Variants in TSC22D2 observed in about 807,000 individuals in gnomAD.
TSC22D2 encodes the protein TSC22 domain family protein 2.
In TSC22D2, 5 loss-of-function variants were observed where a neutral mutation model predicts 50.1. That is an observed-to-expected ratio of 0.10 (90% CI 0.05 to 0.21). The LOEUF is 0.21. Among genes scored for constraint, TSC22D2 ranks in the 10% least tolerant of loss-of-function variants. TSC22D2 has a pLI of 1.00. For synonymous variants in TSC22D2, 501 were observed against 450.1 expected (o/e 1.11, Z -1.43); for missense variants, 1,003 against 1,015.5 (o/e 0.99, Z 0.17).
intron 1 of TSC22D2, among the ~76,000 whole-genome samples, chr3:150,413,496 T>G (rs1160882492): frequency 2.0e-5 from 3 of 151,732 alleles, no homozygotes; most frequent in Non-Finnish European, 4.4e-5. Context: ...GTTTTGTCAC[T>G]GGTCCAACAT....
chr3:150,452,524 C>A (rs371982683), intron 1 of TSC22D2, among the ~76,000 whole-genome samples: 4 of 151,914 alleles, frequency 2.6e-5, no homozygotes, highest in African/African-American at 9.7e-5. Flanking sequence ...GTTGGAAATT[C>A]TTCATCCATC....
At chr3:150,429,112 G>T (rs1369264561) in intron 1 of TSC22D2, among the ~76,000 whole-genome samples, 1 of 152,138 alleles carries the variant, frequency 6.6e-6, no homozygotes, top group African/African-American at 2.4e-5. Flanking sequence ...GAATGGAAGG[G>T]TAGTAAACTA....
At position 150,409,937 on chromosome 3, in the gene TSC22D2, C is replaced by T; in HGVS notation, c.587C>T (p.Thr196Ile). 3.7e-6 allele frequency: 6 copies of T among 1,613,988 alleles called. No individual in the cohort carries two copies. Among genetic ancestry groups the T allele is most frequent in the Non-Finnish European group, 3.4e-6 (4 of 1,180,034 alleles). ...AGGGATTCAGACAGCAGCGTCCTGA[C>T]TAGATCCGGGGATTGCATTAGACAC... The part of the protein sequence containing the change: ...YERDSDSSVL[T>I]RSGDCIRHSS... The change falls in exon 1 of 3, where the codon ACT becomes ATT. Residue 196 changes from threonine (T) to isoleucine (I), a missense_variant. Transcript: ENST00000688009. The surrounding 1 kb of genome is among the most constrained non-coding windows in gnomAD (Gnocchi z 7.4).
intron 1 of TSC22D2, among the ~76,000 whole-genome samples, chr3:150,447,977 TTGCTGCTATGTAA>T (rs1226902303): frequency 6.6e-6 from 1 of 152,194 alleles, no homozygotes; most frequent in Non-Finnish European, 1.5e-5. Flanking sequence ...GATTAGGTAG[TTGCTGCTATGTAA>T]ACAGTAAAAT....
chr3:150,457,235 C>A, intron 2 of TSC22D2, 108 bp downstream of exon 2: 3 of 1,014,008 alleles, frequency 3.0e-6, no homozygotes, highest in Non-Finnish European at 4.4e-6. Context: ...CAAAGATGAC[C>A]AAATCATGTT....
intron 1 of TSC22D2, chr3:150,423,514 A>G (rs140148983): frequency 5.2e-4 from 80 of 152,488 alleles, no homozygotes; most frequent in Non-Finnish European, 1.0e-3. Context: ...TGTTATTTCA[A>G]ATTATGAAAT....
chr3:150,421,069 G>A lies in TSC22D2; in HGVS notation c.1958+9761G>A, dbSNP rs1032379154. On this transcript the variant is annotated intron_variant, in intron 1 of 2. Transcript: ENST00000688009. ...TTGCACTCCAGCCTGAGCGACAAGA[G>A]TGAAACTCTGTCTCCAAAAAATAAA... is the stretch of plus-strand genomic sequence containing the variant. 5.8e-4 allele frequency among the ~76,000 whole-genome samples: 88 copies of A among 152,298 alleles called. 1 individual carries two copies. Among genetic ancestry groups the A allele is most frequent in the African/African-American group, 2.1e-3 (86 of 41,562 alleles).
intron 1 of TSC22D2, among the ~76,000 whole-genome samples, chr3:150,437,134 TCAGA>T (rs1198628922): frequency 6.6e-6 from 1 of 152,156 alleles, no homozygotes; most frequent in Non-Finnish European, 1.5e-5. Context: ...TACATTCTTA[TCAGA>T]CAGAAAATGT....
chr3:150,435,327 T>C (rs944097253), intron 1 of TSC22D2, among the ~76,000 whole-genome samples: 2 of 152,182 alleles, frequency 1.3e-5, no homozygotes, highest in African/African-American at 4.8e-5. Context: ...CTAGCAGTTT[T>C]ATTTTATTTA....
intron 1 of TSC22D2, among the ~76,000 whole-genome samples, chr3:150,421,005 C>T (rs1036701830): frequency 3.3e-5 from 5 of 152,186 alleles, no homozygotes; most frequent in African/African-American, 1.2e-4. Flanking sequence ...ATCATTTGAA[C>T]CCAGGAGGCA....
At chr3:150,414,276 A>T (rs1719711098) in intron 1 of TSC22D2, among the ~76,000 whole-genome samples, 1 of 152,196 alleles carries the variant, frequency 6.6e-6, no homozygotes, top group South Asian at 2.1e-4. Flanking sequence ...AAACTCGTGG[A>T]TGTGATGGTT....
intron 1 of TSC22D2, among the ~76,000 whole-genome samples, chr3:150,441,990 C>T (rs1163866292): frequency 1.3e-5 from 2 of 152,148 alleles, no homozygotes; most frequent in East Asian, 1.9e-4. Flanking sequence ...TATCTGCCTC[C>T]TCAGTGTTTT....
At chr3:150,451,290 C>A (rs1309496619) in intron 1 of TSC22D2, among the ~76,000 whole-genome samples, 1 of 152,054 alleles carries the variant, frequency 6.6e-6, no homozygotes, top group East Asian at 1.9e-4. Context: ...AAGGCATCTT[C>A]AGCTTTCTAA....
At chr3:150,451,581 TCA>T (rs1216056326) in intron 1 of TSC22D2, among the ~76,000 whole-genome samples, 1 of 152,244 alleles carries the variant, frequency 6.6e-6, no homozygotes, top group African/African-American at 2.4e-5. Context: ...GATTATTTTT[TCA>T]CAGTCTTAGT....
chr3:150,452,127 A>T (rs898297337), intron 1 of TSC22D2, among the ~76,000 whole-genome samples: 2 of 152,194 alleles, frequency 1.3e-5, no homozygotes, highest in Non-Finnish European at 2.9e-5. Flanking sequence ...TAAAGAAAAA[A>T]GTTGGTTTCT....
chr3:150,451,498 A>G (rs1020894546), intron 1 of TSC22D2, among the ~76,000 whole-genome samples: 18 of 152,228 alleles, frequency 1.2e-4, no homozygotes, highest in African/African-American at 4.1e-4. Flanking sequence ...TGGTTTCACA[A>G]CTTAACATTT....
intron 1 of TSC22D2, chr3:150,423,174 C>T (rs1385971608): frequency 7.8e-5 from 104 of 1,337,360 alleles, no homozygotes; most frequent in Non-Finnish European, 1.0e-4. Context: ...GCATGAATTG[C>T]TTTGCACTGT....
chr3:150,458,765 G>C lies in TSC22D2; in HGVS notation c.*129G>C. 8.3e-7 allele frequency: 1 copy of C among 1,200,018 alleles called. No homozygotes were observed. Among genetic ancestry groups the C allele is most frequent in the Non-Finnish European group, 1.2e-6 (1 of 859,686 alleles). The allele number at this position is 1,200,018 out of a possible 1,614,324, so 74.3% of individuals were successfully genotyped here. On this transcript the variant is annotated 3_prime_UTR_variant, in exon 3 of 3. Coordinates refer to ENST00000688009, the MANE Select transcript of TSC22D2 (RefSeq NM_001303264.2). ...TGTGTGTTTGGCCTTTTCAGTATTAGACAATCATTCTACAAGAGCTTTTCC... is the reference window on the plus strand; with the variant it reads ...TGTGTGTTTGGCCTTTTCAGTATTACACAATCATTCTACAAGAGCTTTTCC...
Position 150,458,556 on chromosome 3 carries a change from A to G in TSC22D2, c.2191A>G (p.Thr731Ala), listed in dbSNP as rs776890457. 6.2e-7 allele frequency: 1 copy of G among 1,614,182 alleles called. No individual in the cohort carries two copies. The highest frequency in any genetic ancestry group is 1.7e-5 in the Admixed American group (1 of 60,020). ...LPTQQANPGS[T>A]SQQQAVIAQP... ...AACCCAACAGGCCAATCCTGGTAGC[A>G]CTTCTCAACAGCAAGCAGTGATAGC... Residue 731 changes from threonine (T) to alanine (A), a missense_variant, in exon 3 of 3, where the codon ACT (threonine) becomes GCT (alanine). By Grantham distance (58) the Thr-to-Ala change is moderately conservative. This residue lies in a region of TSC22D2 where 54 missense variants were observed against 51.4 expected (regional missense o/e 1.05). Coordinates refer to ENST00000688009, the MANE Select transcript of TSC22D2 (RefSeq NM_001303264.2).
Sources: allele counts gnomAD v4.1 joint callset (sites outside exome capture counted in the v4.1 genomes callset), GRCh38; gene constraint gnomAD v4.1.1; regional missense constraint gnomAD v4.1.1; non-coding constraint Gnocchi (gnomAD v3.1); transcripts MANE v1.5; gene names NCBI Gene and HGNC (gene_info 2026-07-23, HGNC 2026-07-21).